TBC1D5: variants seen among roughly 807,000 people sequenced by gnomAD.
TBC1D5 encodes the protein TBC1 domain family, member 5.
TBC1D5 carries 75 observed loss-of-function variants against 100.3 expected under a neutral mutation model. That is an observed-to-expected ratio of 0.75 (90% CI 0.62 to 0.91). TBC1D5 has a LOEUF of 0.91. TBC1D5 is among the 40% of genes least tolerant of loss of function. The probability of loss-of-function intolerance (pLI) is 0.00; values close to 1 mark genes in which losing one functional copy is unlikely to be tolerated. For synonymous variants in TBC1D5, 323 were observed against 325.6 expected (o/e 0.99, Z 0.09); for missense variants, 910 against 942.4 (o/e 0.97, Z 0.45).
chr3:17,223,930 C>CA (rs1420544904), intron 17 of TBC1D5, among the ~76,000 whole-genome samples: 4 of 147,648 alleles, frequency 2.7e-5, no homozygotes, highest in African/African-American at 1.0e-4. Context: ...CAAAACAAAA[C>CA]AAACAAACAA....
chr3:17,706,012 G>A, intron 1 of TBC1D5: 1 of 1,493,548 alleles, frequency 6.7e-7, no homozygotes, highest in South Asian at 1.2e-5. Flanking sequence ...GAGTCTTGCT[G>A]TCACCCAGCC....
chr3:17,203,868 G>A (rs1424773498), intron 18 of TBC1D5, among the ~76,000 whole-genome samples: 1 of 152,162 alleles, frequency 6.6e-6, no homozygotes, highest in Non-Finnish European at 1.5e-5. Flanking sequence ...AGCAATAAGA[G>A]AATGGACTAA....
chr3:17,308,192 C>A, intron 13 of TBC1D5, 58 bp from the exon 14 acceptor site: 2 of 1,466,320 alleles, frequency 1.4e-6, no homozygotes, highest in South Asian at 3.0e-5. Flanking sequence ...AAAGAGTGAT[C>A]ATTTTCTCAA....
At chr3:17,298,783 G>A (rs1374475753) in intron 14 of TBC1D5, among the ~76,000 whole-genome samples, 2 of 152,142 alleles carry the variant, frequency 1.3e-5, no homozygotes, top group African/African-American at 4.8e-5. Context: ...ATCTGAAAAG[G>A]ATACAGACTT....
chr3:17,496,462 GCA>G (rs150694074), intron 3 of TBC1D5, among the ~76,000 whole-genome samples: 15 of 147,382 alleles, frequency 1.0e-4, no homozygotes, highest in Non-Finnish European at 1.5e-4. Flanking sequence ...ACACACACAC[GCA>G]CACACACACA....
At chr3:17,174,171 C>T (rs1276324516) in intron 19 of TBC1D5, among the ~76,000 whole-genome samples, 2 of 152,152 alleles carry the variant, frequency 1.3e-5, no homozygotes, top group Admixed American at 6.5e-5. Flanking sequence ...TCCAGTAGCA[C>T]CTAGTTGTTG....
At chr3:17,360,217 G>C (rs1020878687) in intron 13 of TBC1D5, among the ~76,000 whole-genome samples, 1 of 151,948 alleles carries the variant, frequency 6.6e-6, no homozygotes, top group Non-Finnish European at 1.5e-5. Context: ...TATTTTTCCT[G>C]ACCCTTGTTA....
At chr3:17,280,585 G>A (rs1305050515) in intron 15 of TBC1D5, among the ~76,000 whole-genome samples, 1 of 152,140 alleles carries the variant, frequency 6.6e-6, no homozygotes, top group Non-Finnish European at 1.5e-5. Flanking sequence ...GACTTCAGAG[G>A]GATGGTTTGA....
intron 1 of TBC1D5, among the ~76,000 whole-genome samples, chr3:17,720,615 T>C (rs1437701264): frequency 6.6e-6 from 1 of 152,022 alleles, no homozygotes; most frequent in African/African-American, 2.4e-5. Context: ...TGAGACCAGC[T>C]TGGGCAACAT....
chr3:17,586,486 T>C (rs929738197), intron 2 of TBC1D5: 7 of 151,966 alleles, frequency 4.6e-5, no homozygotes, highest in African/African-American at 1.7e-4. Flanking sequence ...CAAACAGAAA[T>C]TGAAGAGGAA....
chr3:17,451,871 G>A (rs1167745604), intron 3 of TBC1D5, among the ~76,000 whole-genome samples: 1 of 152,018 alleles, frequency 6.6e-6, no homozygotes, highest in Non-Finnish European at 1.5e-5. Context: ...AGTGAGCTCA[G>A]AGAGGACCAC....
intron 13 of TBC1D5, among the ~76,000 whole-genome samples, chr3:17,362,864 G>C (rs1455842386): frequency 6.6e-6 from 1 of 152,128 alleles, no homozygotes; most frequent in African/African-American, 2.4e-5. Flanking sequence ...TCAGTACCCA[G>C]CAGTTTTCCC....
intron 3 of TBC1D5, among the ~76,000 whole-genome samples, chr3:17,455,278 G>GTGTATATATGTATATA: frequency 6.9e-6 from 1 of 144,814 alleles, no homozygotes; most frequent in Admixed American, 6.9e-5. Context: ...ACATATATGT[G>GTGTATATATGTATATA]TGTATATATG....
chr3:17,303,901 T>G (rs2083130839), intron 14 of TBC1D5, among the ~76,000 whole-genome samples: 1 of 147,698 alleles, frequency 6.8e-6, no homozygotes, highest in Admixed American at 6.9e-5. Flanking sequence ...CTCTGTAGGA[T>G]CTTCAACAGC....
At position 17,632,852 on chromosome 3, in the gene TBC1D5, A is replaced by G. The variant is rs555151036; in HGVS notation, c.-100-8939T>C. Among the ~76,000 whole-genome samples, 80 of 152,262 alleles carry G rather than the reference A, an allele frequency of 5.3e-4. 2 individuals carry two copies. In the South Asian group the frequency reaches 0.016, roughly 31 times the overall value. On this transcript the variant is annotated intron_variant, in intron 1 of 21. Transcript: ENST00000253692. ...ACATGATTTTTATATGCACTGAGAAACCAAAAAATTCATGTGACTCACTTT... is the reference window on the plus strand; with the variant it reads ...ACATGATTTTTATATGCACTGAGAAGCCAAAAAATTCATGTGACTCACTTT...
chr3:17,686,846 T>A (rs1195494272), intron 1 of TBC1D5, among the ~76,000 whole-genome samples: 1 of 152,174 alleles, frequency 6.6e-6, no homozygotes, highest in Non-Finnish European at 1.5e-5. Context: ...AGGTCAGGGA[T>A]GCTGCTAAAC....
intron 3 of TBC1D5, among the ~76,000 whole-genome samples, chr3:17,467,464 C>CT (rs2095320679): frequency 6.6e-6 from 1 of 152,024 alleles, no homozygotes; most frequent in Non-Finnish European, 1.5e-5. Flanking sequence ...TGTATGCCTC[C>CT]TGTTCTTCTT....
At chr3:17,481,108 G>A (rs1383275568) in intron 3 of TBC1D5, among the ~76,000 whole-genome samples, 2 of 152,126 alleles carry the variant, frequency 1.3e-5, no homozygotes, top group African/African-American at 4.8e-5. Context: ...AAGCTTCCGG[G>A]TGCCATCATG....
intron 3 of TBC1D5, among the ~76,000 whole-genome samples, chr3:17,453,225 A>C (rs2149753309): frequency 6.6e-6 from 1 of 152,132 alleles, no homozygotes; most frequent in East Asian, 1.9e-4. Context: ...AAAAATTCCA[A>C]ATAGTTAACT....
Sources: allele counts gnomAD v4.1 joint callset (sites outside exome capture counted in the v4.1 genomes callset), GRCh38; gene constraint gnomAD v4.1.1; transcripts MANE v1.5; gene names NCBI Gene and HGNC (gene_info 2026-07-23, HGNC 2026-07-21).